PDK4: variants seen among roughly 807,000 people sequenced by gnomAD.
PDK4 encodes pyruvate dehydrogenase kinase, isozyme 4.
A neutral mutation model predicts 51.7 loss-of-function variants in PDK4; 43 were observed. The observed-to-expected ratio is 0.83, with a 90% CI of 0.65 to 1.07. The LOEUF (loss-of-function observed/expected upper bound fraction) is 1.07. Ranked by LOEUF, PDK4 falls within the 50% of genes least tolerant of loss-of-function variation. The pLI is 0.00. For missense variants in PDK4, 498 were observed against 503.5 expected, an observed-to-expected ratio of 0.99 and a Z score of 0.10; for synonymous variants, 170 against 176.6, an observed-to-expected ratio of 0.96 and a Z score of 0.30.
chr7:95,592,871 CTA>C lies in PDK4; in HGVS notation c.416_417del (p.Ile139ArgfsTer3), dbSNP rs1462314991. The C allele has an allele frequency of 6.2e-7, 1 of 1,611,074 alleles. No homozygotes were observed. On this transcript the variant is annotated frameshift_variant, in exon 4 of 11. Transcript: ENST00000005178. LOFTEE classifies it high-confidence loss of function. Reference protein sequence around the residue: ...NVVPTMAQGIIEYKDACTVDP... With the variant: ...NVVPTMAQGIXEYKDACTVDP... ...TCAACTGTACAGGCATCTTTATACT[CTA>C]TGATTCCTTGTGCCATTGTAGGGAC...
intron 2 of PDK4, among the ~76,000 whole-genome samples, chr7:95,594,054 T>C (rs1043364002): frequency 6.6e-6 from 1 of 152,266 alleles, no homozygotes; most frequent in African/African-American, 2.4e-5. Flanking sequence ...TCATTTCTTC[T>C]AGCAATAATA....
rs1341248893 is a variant in PDK4 at position 95,585,230 on chromosome 7, G to A, written c.*411C>T. On this transcript the variant is annotated 3_prime_UTR_variant, in exon 11 of 11. Coordinates refer to ENST00000005178, the MANE Select transcript of PDK4 (RefSeq NM_002612.4). ...AAACTAAGTTTTAATCCTTTGCATG[G>A]CAGGAAAATGCTGGTATTCTGACAC... is the stretch of plus-strand genomic sequence containing the variant. The A allele has an allele frequency of 6.4e-6, 1 of 155,302 alleles. No individual in the cohort carries two copies. Among genetic ancestry groups the A allele is most frequent in the Admixed American group, 6.5e-5 (1 of 15,366 alleles). 9.6% of individuals were successfully genotyped at this position (155,302 alleles called of 1,614,324 possible). A position where few individuals can be genotyped will look rare whatever the true frequency, so the allele number is the denominator to read the frequency against.
chr7:95,588,058 G>A (rs1180354071), intron 7 of PDK4, among the ~76,000 whole-genome samples: 2 of 152,002 alleles, frequency 1.3e-5, no homozygotes, highest in African/African-American at 4.8e-5. Context: ...AATGTCTAAT[G>A]GAAACCAATT....
At chr7:95,586,218 G>T (rs1330046131) in intron 10 of PDK4, among the ~76,000 whole-genome samples, 1 of 74,220 alleles carries the variant, frequency 1.3e-5, no homozygotes. Context: ...TTTTTGAGAC[G>T]GAGTCTAGCT....
In PDK4 at chr7:95,587,094, A is replaced by G. The variant is rs1417279790; in HGVS notation, c.1011T>C (p.Ser337=). 1 of 1,611,522 alleles carries G rather than the reference A, an allele frequency of 6.2e-7. No homozygotes were observed. The highest frequency in any genetic ancestry group is 8.5e-7 in the Non-Finnish European group (1 of 1,178,010). Residue 337 remains serine (S), a synonymous_variant, in exon 10 of 11, where the codon TCT becomes TCC. Transcript: ENST00000005178. ...CTTGAAAGTACTTTGCATACAGACG[A>G]GAAATTGGCAAGCCGTAACCAAAAC... The part of the protein sequence containing the change: ...LAGFGYGLPI[S]RLYAKYFQGD...
At chr7:95,586,970 G>A (rs1452663022) in intron 10 of PDK4, 40 bp downstream of exon 10, 1 of 1,160,932 alleles carries the variant, frequency 8.6e-7, no homozygotes, top group Non-Finnish European at 1.3e-6. Context: ...AGGAGCAATG[G>A]TTTTAGAAAC....
In PDK4 at chr7:95,587,525, A is replaced by C; in HGVS notation, c.874T>G (p.Ser292Ala). ...AGGGGAACACCACCTCCTCTGTCTG[A>C]AATCTAAAACAAACAAACAAGTCAT... ...LGKEDLTIKI[S>A]DRGGGVPLRI... Residue 292 changes from serine (S) to alanine (A), a missense_variant, in exon 9 of 11, where the codon TCA becomes GCA. By Grantham distance (99) the Ser-to-Ala change is moderately conservative (BLOSUM62 1). Transcript: ENST00000005178. 1 of 1,579,930 alleles carries C rather than the reference A, an allele frequency of 6.3e-7. No homozygotes were observed. Among genetic ancestry groups the C allele is most frequent in the South Asian group, 1.1e-5 (1 of 90,398 alleles).
Position 95,585,735 on chromosome 7 carries a change from G to C in PDK4, c.1142C>G (p.Ser381Ter), listed in dbSNP as rs779714324. Reference sequence around the variant, plus strand: ...GCTCATCTGATAATGTTTGAAGGCTGACTTGTTAAAAACTGGAAGTTTTTC... The same window carrying C: ...GCTCATCTGATAATGTTTGAAGGCTCACTTGTTAAAAACTGGAAGTTTTTC... ...SIEKLPVFNK[S>*]AFKHYQMSSE... Residue 381 changes from serine (S) to a stop codon, truncating the protein, a stop_gained, in exon 11 of 11, where the codon TCA (serine) becomes TGA (stop). Coordinates refer to ENST00000005178, the MANE Select transcript of PDK4 (RefSeq NM_002612.4). LOFTEE classifies it high-confidence loss of function. 1.9e-6 allele frequency: 3 copies of C among 1,605,090 alleles called. No individual in the cohort carries two copies. The highest frequency in any genetic ancestry group is 2.6e-6 in the Non-Finnish European group (3 of 1,172,642).
At chr7:95,593,016 A>G in intron 3 of PDK4, 72 bp from the exon 4 acceptor site, 4 of 1,048,960 alleles carry the variant, frequency 3.8e-6, no homozygotes, top group Non-Finnish European at 5.4e-6. Context: ...AGGTTACTTC[A>G]CAGAAGGCTA....
At position 95,587,133 on chromosome 7, in the gene PDK4, A is replaced by G; in HGVS notation, c.982-10T>C. 2.6e-6 allele frequency: 4 copies of G among 1,512,252 alleles called. No individual in the cohort carries two copies. Among genetic ancestry groups the G allele is most frequent in the Non-Finnish European group, 3.7e-6 (4 of 1,089,222 alleles). 93.7% of individuals were successfully genotyped at this position (1,512,252 alleles called of 1,614,324 possible). On this transcript the variant is annotated splice_polypyrimidine_tract_variant and intron_variant, in intron 9 of 10. Coordinates refer to ENST00000005178, the MANE Select transcript of PDK4 (RefSeq NM_002612.4). ...CGTAACCAAAACCAGCCTAGAGAAG[A>G]GAGACGTTATCAGGTAAAGAAGTGT... is the stretch of plus-strand genomic sequence containing the variant.
At chr7:95,594,435 T>A (rs1198172258) in intron 2 of PDK4, among the ~76,000 whole-genome samples, 1 of 152,200 alleles carries the variant, frequency 6.6e-6, no homozygotes, top group African/African-American at 2.4e-5. Context: ...AAGTGGTTTT[T>A]TTTTTCTTTT....
Position 95,591,998 on chromosome 7 carries a change from T to C in PDK4, c.684A>G (p.Thr228=). The C allele has an allele frequency of 6.7e-7, 1 of 1,500,920 alleles. No individual in the cohort carries two copies. The highest frequency in any genetic ancestry group is 9.1e-7 in the Non-Finnish European group (1 of 1,093,728). 93.0% of individuals were successfully genotyped at this position (1,500,920 alleles called of 1,614,324 possible). ...TTACTTATAACTTACCATTCACTTG[T>C]GTAAGCTTTAATTCTGGAGATGATA... ...YYLSSPELKL[T]QVNGKFPDQP... is the part of the protein sequence containing the mutation. Residue 228 remains threonine (T), a synonymous_variant, in exon 6 of 11, where the codon ACA becomes ACG. Coordinates refer to ENST00000005178, the MANE Select transcript of PDK4 (RefSeq NM_002612.4).
rs1446740951 is a variant in PDK4 at position 95,584,355 on chromosome 7, A to C, written c.*1286T>G. 4 of 145,060 alleles carry C rather than the reference A, an allele frequency of 2.8e-5. No homozygotes were observed. The East Asian group carries it at 5.8e-4, about 21-fold the overall frequency. 9.0% of individuals were successfully genotyped at this position (145,060 alleles called of 1,614,324 possible). ...CTTTCTTTCCTTCCTGCCTTCTTTC[A>C]TTTTTCCATTTCTTCTTCTCTAAGA... On this transcript the variant is annotated 3_prime_UTR_variant, in exon 11 of 11. Transcript: ENST00000005178.
At chr7:95,595,230 T>C in intron 1 of PDK4, 66 bp from the exon 2 acceptor site, 1 of 1,061,222 alleles carries the variant, frequency 9.4e-7, no homozygotes, top group Non-Finnish European at 1.4e-6. Context: ...CTAAATAGCA[T>C]TAACTATCAA....
intron 7 of PDK4, 48 bp downstream of exon 7, chr7:95,589,592 T>C: frequency 1.1e-6 from 1 of 945,056 alleles, no homozygotes; most frequent in African/African-American, 1.6e-5. Context: ...AATATAACTG[T>C]TAAACCTTTT....
In PDK4 at chr7:95,596,155, C is replaced by T; in HGVS notation, c.130+9G>A. On this transcript the variant is annotated intron_variant, in intron 1 of 10. Coordinates refer to ENST00000005178, the MANE Select transcript of PDK4 (RefSeq NM_002612.4). ...TAGGACCCAGCTTGGGCCCTGTGTC[C>T]CCTCTCACCAAAGTCCAGTAGCTGC... 6.3e-7 allele frequency: 1 copy of T among 1,599,330 alleles called. No homozygotes were observed. The highest frequency in any genetic ancestry group is 8.5e-7 in the Non-Finnish European group (1 of 1,173,312).
intron 10 of PDK4, among the ~76,000 whole-genome samples, chr7:95,586,417 AC>A (rs751298143): frequency 1.6e-4 from 25 of 152,008 alleles, no homozygotes; most frequent in Non-Finnish European, 3.5e-4. Context: ...CTGGTCTAGA[AC>A]CACTGAACTT....
intron 1 of PDK4, 83 bp from the exon 2 acceptor site, chr7:95,595,247 AAC>A (rs34998621): frequency 0.039 from 32,573 of 841,544 alleles, 985 homozygotes; most frequent in South Asian, 0.1. Context: ...TCAAATATTG[AAC>A]ACACATATAT....
chr7:95,592,968 G>A lies in PDK4; in HGVS notation c.345-24C>T, dbSNP rs776064625. 10 of 1,509,306 alleles carry A rather than the reference G, an allele frequency of 6.6e-6. No homozygotes were observed. The Admixed American group carries it at 2.1e-4, about 31-fold the overall frequency. 93.5% of individuals were successfully genotyped at this position (1,509,306 alleles called of 1,614,324 possible). ...AGCTAAGCCACAATATTTATGGTTA[G>A]TAAAAGTTCAAATACGTTTCATTCA... On this transcript the variant is annotated intron_variant, in intron 3 of 10. Transcript: ENST00000005178.
Sources: gnomAD v4.1 joint callset for allele counts (sites outside exome capture counted in the v4.1 genomes callset) on GRCh38, gnomAD v4.1.1 for gene constraint, MANE v1.5 for transcripts, NCBI Gene and HGNC (gene_info 2026-07-23, HGNC 2026-07-21) for gene names.